Variants in MACROD2 observed in about 807,000 individuals in gnomAD.
MACROD2 encodes the protein ADP-ribose glycohydrolase MACROD2.
In MACROD2, 36 loss-of-function variants were observed where a neutral mutation model predicts 70.4. That is an observed-to-expected ratio of 0.51 (90% confidence interval 0.39 to 0.68). The LOEUF is 0.68. Among genes scored for constraint, MACROD2 ranks in the 30% least tolerant of loss-of-function variants. MACROD2 has a pLI of 0.00. For synonymous variants in MACROD2, 172 were observed against 178.8 expected (o/e 0.96, Z 0.30); for missense variants, 496 against 538.4 (o/e 0.92, Z 0.78).
chr20:14,939,420 G>T (rs1193461718), intron 5 of MACROD2, among the ~76,000 whole-genome samples: 2 of 151,910 alleles, frequency 1.3e-5, no homozygotes, highest in Non-Finnish European at 1.5e-5. Context: ...ATTCATATCT[G>T]GGCTTTCTAT....
At chr20:15,611,316 G>A (rs2048966581) in intron 8 of MACROD2, among the ~76,000 whole-genome samples, 2 of 152,106 alleles carry the variant, frequency 1.3e-5, no homozygotes, top group South Asian at 2.1e-4. Context: ...TAACACAATG[G>A]CAGAGTCACG....
chr20:15,898,249 T>A (rs988205285), intron 10 of MACROD2, among the ~76,000 whole-genome samples: 8 of 152,108 alleles, frequency 5.3e-5, no homozygotes, highest in Non-Finnish European at 1.0e-4. Flanking sequence ...CAAAGAGTGT[T>A]CTTGAATCTG....
chr20:14,551,123 TATC>T (rs1157840139), intron 4 of MACROD2, among the ~76,000 whole-genome samples: 2 of 152,158 alleles, frequency 1.3e-5, no homozygotes, highest in East Asian at 3.9e-4. Context: ...TACAAGCAGT[TATC>T]ATGCTCTGTC....
chr20:15,762,369 T>C (rs1235275007), intron 8 of MACROD2, among the ~76,000 whole-genome samples: 2 of 152,174 alleles, frequency 1.3e-5, no homozygotes. Flanking sequence ...CTCAATTCCA[T>C]GTTTTTAGAC....
chr20:14,433,654 C>T (rs2084021607), intron 3 of MACROD2, among the ~76,000 whole-genome samples: 1 of 151,992 alleles, frequency 6.6e-6, no homozygotes, highest in Admixed American at 6.6e-5. Flanking sequence ...ACAGAAAATT[C>T]CAGTAGCTAA....
chr20:14,530,805 G>A (rs1015373705), intron 4 of MACROD2, among the ~76,000 whole-genome samples: 1 of 152,100 alleles, frequency 6.6e-6, no homozygotes. Flanking sequence ...TAACAGAATG[G>A]CAATTAATTA....
chr20:14,894,313 C>T (rs1799511290), intron 5 of MACROD2: 1 of 152,108 alleles, frequency 6.6e-6, no homozygotes, highest in South Asian at 2.1e-4. Context: ...TCACTGCAAG[C>T]TCTGCCTCCT....
intron 4 of MACROD2, among the ~76,000 whole-genome samples, chr20:14,551,466 A>G (rs1181452095): frequency 6.6e-6 from 1 of 152,206 alleles, no homozygotes; most frequent in Admixed American, 6.5e-5. Context: ...TTCACACCTC[A>G]TAATTTCTGA....
intron 17 of MACROD2, 66 bp downstream of exon 17, chr20:16,044,705 A>G (rs1601375245): frequency 2.1e-6 from 3 of 1,444,302 alleles, no homozygotes; most frequent in South Asian, 1.2e-5. Flanking sequence ...TGCAAATGAC[A>G]TACTGGATTT....
intron 4 of MACROD2, among the ~76,000 whole-genome samples, chr20:14,570,761 T>G (rs1265022487): frequency 6.6e-6 from 1 of 152,054 alleles, no homozygotes; most frequent in Middle Eastern, 3.2e-3. Flanking sequence ...GGTCCTTCTG[T>G]GGGAGATTTC....
chr20:14,477,622 C>G (rs1265541513), intron 3 of MACROD2, among the ~76,000 whole-genome samples: 1 of 151,968 alleles, frequency 6.6e-6, no homozygotes, highest in Non-Finnish European at 1.5e-5. Context: ...TATACTGTTT[C>G]ATTTAAAAAG....
At chr20:15,992,355 GT>G (rs1430248406) in intron 15 of MACROD2, among the ~76,000 whole-genome samples, 1 of 152,016 alleles carries the variant, frequency 6.6e-6, no homozygotes, top group East Asian at 1.9e-4. Flanking sequence ...GAATTCTTTG[GT>G]GTCAGGTTTA....
chr20:14,330,412 T>C (rs1413004157), intron 3 of MACROD2, among the ~76,000 whole-genome samples: 5 of 152,050 alleles, frequency 3.3e-5, no homozygotes, highest in Admixed American at 3.3e-4. Flanking sequence ...ACTAAAGTAG[T>C]AGCAATTTGC....
chr20:14,716,915 G>A (rs934540272), intron 5 of MACROD2, among the ~76,000 whole-genome samples: 5 of 152,036 alleles, frequency 3.3e-5, no homozygotes, highest in African/African-American at 1.2e-4. Context: ...TGCAGGTGAA[G>A]CCTTTTCATT....
chr20:14,405,165 A>C (rs1006172389), intron 3 of MACROD2, among the ~76,000 whole-genome samples: 2 of 152,190 alleles, frequency 1.3e-5, no homozygotes, highest in African/African-American at 4.8e-5. Flanking sequence ...ACTCTGTAAC[A>C]GTAATTTATG....
intron 4 of MACROD2, among the ~76,000 whole-genome samples, chr20:14,587,245 T>C (rs1490865832): frequency 1.3e-5 from 2 of 151,906 alleles, no homozygotes; most frequent in Admixed American, 6.6e-5. Flanking sequence ...TCATTAAATA[T>C]TGCATATTCA....
chr20:15,831,814 C>G lies in MACROD2; in HGVS notation c.646-30931C>G, dbSNP rs1188392585. ...TCAGGTGCTGGATAGCAAAGCCAGT[C>G]CAGTGTCCCTGGCATTTATTTGGGA... On this transcript the variant is annotated intron_variant, in intron 8 of 17. Transcript: ENST00000684519. Among the ~76,000 whole-genome samples the G allele has an allele frequency of 3.3e-5, 5 of 152,168 alleles. No homozygotes were observed. The East Asian group carries it at 9.6e-4, about 29-fold the overall frequency.
intron 8 of MACROD2, among the ~76,000 whole-genome samples, chr20:15,517,011 T>A (rs2146522616): frequency 6.6e-6 from 1 of 152,354 alleles, no homozygotes; most frequent in Non-Finnish European, 1.5e-5. Flanking sequence ...CGTAACCACA[T>A]AACACATTGT....
At chr20:14,112,083 C>G (rs1311591541) in intron 3 of MACROD2, among the ~76,000 whole-genome samples, 12 of 151,976 alleles carry the variant, frequency 7.9e-5, no homozygotes, top group South Asian at 6.2e-4. Flanking sequence ...AACTGGAAAT[C>G]GTTATATTAA....
Sources: gnomAD v4.1 joint callset for allele counts (sites outside exome capture counted in the v4.1 genomes callset) on GRCh38, gnomAD v4.1.1 for gene constraint, MANE v1.5 for transcripts, NCBI Gene and HGNC (gene_info 2026-07-23, HGNC 2026-07-21) for gene names.